Variants in ADORA2B observed in about 807,000 individuals in gnomAD.
The protein encoded by ADORA2B is adenosine receptor A2b.
ADORA2B carries 18 observed loss-of-function variants against 20.8 expected under a neutral mutation model. The ratio of observed to expected loss-of-function variants is 0.87; its 90% confidence interval spans 0.60 to 1.29. The LOEUF (loss-of-function observed/expected upper bound fraction) is 1.29, where lower values mean the gene tolerates loss of function less well. ADORA2B is among the 50% of genes most tolerant of loss of function. The pLI is 0.00. For synonymous variants in ADORA2B, 179 were observed against 178.3 expected (o/e 1.00, Z -0.03); for missense variants, 441 against 422.7 (o/e 1.04, Z -0.38).
At chr17:15,927,563 C>T in the ADORA2B span, among the ~76,000 whole-genome samples, 1 of 152,152 alleles carries the variant, frequency 6.6e-6, no homozygotes, top group Non-Finnish European at 1.5e-5. Flanking sequence ...AGGAGAATCG[C>T]TTGAACTCAG....
chr17:15,963,796 C>A lies in ADORA2B; in HGVS notation c.336-10883C>A, dbSNP rs547275125. On this transcript the variant is annotated intron_variant, in intron 1 of 1. Transcript: ENST00000304222. The stretch of plus-strand genomic sequence containing the variant: ...ATAGGAAGCTGGTTGGGAGTGCTGC[C>A]AACTTTCTTGACCGCAACCTGCATT... Among the ~76,000 whole-genome samples the A allele has an allele frequency of 2.0e-5, 3 of 152,332 alleles. No individual in the cohort carries two copies. In the South Asian group the frequency reaches 6.2e-4, roughly 32 times the overall value.
At chr17:15,854,888 A>T in the ADORA2B span, among the ~76,000 whole-genome samples, 7 of 151,830 alleles carry the variant, frequency 4.6e-5, no homozygotes, top group Admixed American at 1.3e-4. Context: ...TCTACTATGT[A>T]CCAGGCCATG....
the ADORA2B span, among the ~76,000 whole-genome samples, chr17:15,899,551 TAGTG>T: frequency 6.6e-6 from 1 of 152,206 alleles, no homozygotes; most frequent in Non-Finnish European, 1.5e-5. Flanking sequence ...CTTACCCAGG[TAGTG>T]AGTATAGCAC....
chr17:15,882,765 G>A, the ADORA2B span, among the ~76,000 whole-genome samples: 49,674 of 151,742 alleles, frequency 0.33, 8,787 homozygotes, highest in African/African-American at 0.46. Context: ...GTCAGAACGT[G>A]TCCTCCTTCT....
upstream of ADORA2B, among the ~76,000 whole-genome samples, chr17:15,941,764 C>T (rs866958747): frequency 2.0e-5 from 3 of 151,058 alleles, no homozygotes; most frequent in African/African-American, 7.3e-5. Context: ...TGCCATGACT[C>T]TCTTCGGATT....
At chr17:15,914,121 T>C in the ADORA2B span, among the ~76,000 whole-genome samples, 1 of 152,122 alleles carries the variant, frequency 6.6e-6, no homozygotes, top group African/African-American at 2.4e-5. Context: ...CCATACTGAG[T>C]CCTGGGAAGG....
Position 15,975,233 on chromosome 17 carries a change from T to C in ADORA2B, c.890T>C (p.Phe297Ser). The C allele has an allele frequency of 6.2e-7, 1 of 1,614,014 alleles. No individual in the cohort carries two copies. The highest frequency in any genetic ancestry group is 1.3e-5 in the African/African-American group (1 of 75,050). Residue 297 changes from phenylalanine to serine, a missense_variant, in exon 2 of 2, where the codon TTC (phenylalanine) becomes TCC (serine). Physicochemically the swap from Phe to Ser is radical, Grantham distance 155. Coordinates refer to ENST00000304222, the MANE Select transcript of ADORA2B (RefSeq NM_000676.4). ...GTCTATGCTTACCGGAACCGAGACT[T>C]CCGCTACACTTTTCACAAAATTATC... ...PIVYAYRNRDFRYTFHKIISR... is the reference protein window; with the variant it reads ...PIVYAYRNRDSRYTFHKIISR...
chr17:15,905,509 AG>A, the ADORA2B span, among the ~76,000 whole-genome samples: 2 of 150,612 alleles, frequency 1.3e-5, no homozygotes, highest in South Asian at 4.2e-4. Context: ...GCCTCCAAGT[AG>A]CTAGGACTAT....
At chr17:15,946,339 G>A (rs1367906891) in intron 1 of ADORA2B, among the ~76,000 whole-genome samples, 1 of 152,184 alleles carries the variant, frequency 6.6e-6, no homozygotes, top group East Asian at 1.9e-4. Flanking sequence ...AGAAAATGGT[G>A]GCGAACTTAC....
At chr17:15,877,716 G>T in the ADORA2B span, among the ~76,000 whole-genome samples, 1 of 152,124 alleles carries the variant, frequency 6.6e-6, no homozygotes, top group African/African-American at 2.4e-5. Context: ...GTGCAGGGAA[G>T]AGAGAGTGTC....
chr17:15,850,866 C>T, the ADORA2B span, among the ~76,000 whole-genome samples: 38 of 152,250 alleles, frequency 2.5e-4, no homozygotes, highest in African/African-American at 7.7e-4. Flanking sequence ...ATGTGAGCTC[C>T]GTGAGGACCA....
the ADORA2B span, among the ~76,000 whole-genome samples, chr17:15,868,827 G>T: frequency 6.6e-6 from 1 of 150,538 alleles, no homozygotes; most frequent in Non-Finnish European, 1.5e-5. Flanking sequence ...GTTTTTAAAG[G>T]GTATGTTTTG....
chr17:15,943,345 C>T (rs1291982328), upstream of ADORA2B, among the ~76,000 whole-genome samples: 3 of 152,120 alleles, frequency 2.0e-5, no homozygotes, highest in East Asian at 5.8e-4. Flanking sequence ...TTTTTAGAGA[C>T]AGGGTCTCCC....
chr17:15,910,006 G>T, the ADORA2B span, among the ~76,000 whole-genome samples: 2 of 152,180 alleles, frequency 1.3e-5, no homozygotes, highest in Non-Finnish European at 2.9e-5. Context: ...AGATCTGTGT[G>T]CACTACACAG....
In ADORA2B at chr17:15,975,379, C is replaced by A. The variant is rs369764269; in HGVS notation, c.*37C>A. On this transcript the variant is annotated 3_prime_UTR_variant, in exon 2 of 2. Coordinates refer to ENST00000304222, the MANE Select transcript of ADORA2B (RefSeq NM_000676.4). ...GCCTCTTCCAGGAGAAGATACAAAT[C>A]CACAAGAAACAAAGAGGACACGGCT... 1.5e-5 allele frequency: 24 copies of A among 1,577,806 alleles called. No individual in the cohort carries two copies. Among genetic ancestry groups the A allele is most frequent in the East Asian group, 1.1e-4 (5 of 44,608 alleles).
chr17:15,915,289 T>A, the ADORA2B span, among the ~76,000 whole-genome samples: 21 of 152,182 alleles, frequency 1.4e-4, no homozygotes, highest in Non-Finnish European at 2.4e-4. Flanking sequence ...GCGCTCTGAT[T>A]TTAAGGACTC....
chr17:15,863,185 G>A, the ADORA2B span, among the ~76,000 whole-genome samples: 4 of 152,200 alleles, frequency 2.6e-5, no homozygotes, highest in Middle Eastern at 3.4e-3. Flanking sequence ...CATACAGGAA[G>A]GCTATGGGTA....
the ADORA2B span, among the ~76,000 whole-genome samples, chr17:15,865,701 C>CTAT: frequency 6.6e-6 from 1 of 150,760 alleles, no homozygotes; most frequent in African/African-American, 2.4e-5. Context: ...CCTAAGATAA[C>CTAT]CATTGTCCTC....
At chr17:15,942,090 C>T (rs1271213720), upstream of ADORA2B, among the ~76,000 whole-genome samples, 2 of 152,180 alleles carry the variant, frequency 1.3e-5, no homozygotes, top group Non-Finnish European at 2.9e-5. Context: ...GAACAGGGCA[C>T]AGCCCTGTGC....
Sources: gnomAD v4.1 joint callset for allele counts (sites outside exome capture counted in the v4.1 genomes callset) on GRCh38, gnomAD v4.1.1 for gene constraint, MANE v1.5 for transcripts, NCBI Gene and HGNC (gene_info 2026-07-23, HGNC 2026-07-21) for gene names.